The following PALM2AKAP2 variants were observed in gnomAD, a reference collection of about 807,000 sequenced individuals.
PALM2AKAP2 encodes the protein PALM2 and AKAP2 fusion.
Under a neutral mutation model 71.5 loss-of-function variants are expected in PALM2AKAP2, and 37 were observed. The ratio of observed to expected loss-of-function variants is 0.52; its 90% CI spans 0.40 to 0.68. PALM2AKAP2 has a LOEUF of 0.68. Ranked by LOEUF, PALM2AKAP2 falls within the 30% of genes least tolerant of loss-of-function variation. The pLI, the probability that PALM2AKAP2 is intolerant of heterozygous loss-of-function variation, is 0.00. For missense variants in PALM2AKAP2, 1,224 were observed against 1,191.8 expected (o/e 1.03, Z -0.40); for synonymous variants, 468 against 478.8 (o/e 0.98, Z 0.29).
chr9:109,773,954 G>A (rs1829311715), intron 1 of PALM2AKAP2, among the ~76,000 whole-genome samples: 1 of 132,366 alleles, frequency 7.6e-6, no homozygotes, highest in South Asian at 2.5e-4. Context: ...TCCATAGGTG[G>A]TAGGAGCTGA....
At chr9:109,949,377 A>G (rs938422501) in intron 6 of PALM2AKAP2, among the ~76,000 whole-genome samples, 1 of 152,264 alleles carries the variant, frequency 6.6e-6, no homozygotes, top group African/African-American at 2.4e-5. Context: ...TTGAGCCATG[A>G]CTGAGGAATG....
At chr9:109,963,762 G>C (rs1831893800) in intron 6 of PALM2AKAP2, among the ~76,000 whole-genome samples, 2 of 152,212 alleles carry the variant, frequency 1.3e-5, no homozygotes, top group African/African-American at 4.8e-5. Flanking sequence ...CTCACATCCA[G>C]AACTCACATG....
intron 1 of PALM2AKAP2, among the ~76,000 whole-genome samples, chr9:109,689,040 T>G (rs1275710278): frequency 2.6e-5 from 4 of 152,142 alleles, no homozygotes; most frequent in Admixed American, 1.3e-4. Flanking sequence ...TGTTTTTTCT[T>G]CAGGGTGGAG....
At chr9:109,725,759 A>C (rs1339387516) in intron 1 of PALM2AKAP2, among the ~76,000 whole-genome samples, 1 of 152,260 alleles carries the variant, frequency 6.6e-6, no homozygotes. Flanking sequence ...CAATAATTCC[A>C]ATTATGCAAC....
At chr9:110,062,055 A>C (rs1833976979) in intron 1 of PALM2AKAP2, among the ~76,000 whole-genome samples, 1 of 152,136 alleles carries the variant, frequency 6.6e-6, no homozygotes, top group Non-Finnish European at 1.5e-5. Context: ...TATAAATCTC[A>C]GTCCATAAAC....
intron 7 of PALM2AKAP2, among the ~76,000 whole-genome samples, chr9:110,037,929 T>C (rs1382622098): frequency 1.3e-5 from 2 of 152,110 alleles, no homozygotes; most frequent in African/African-American, 2.4e-5. Context: ...ATTGACTGGA[T>C]GAGATCACAG....
At chr9:110,110,265 G>A (rs957932633) in intron 1 of PALM2AKAP2, among the ~76,000 whole-genome samples, 10 of 152,156 alleles carry the variant, frequency 6.6e-5, no homozygotes, top group African/African-American at 2.4e-4. Context: ...TGAGGGCCTA[G>A]TTGTTGGGCA....
chr9:109,661,030 C>T lies in PALM2AKAP2; in HGVS notation c.5+20164C>T, dbSNP rs188895971. ...GATAGGGTTGTTTTTTTCTTGTAAA[C>T]TTGTTTGAGTTCTTTGTAGATTCTG... On this transcript the variant is annotated intron_variant, in intron 1 of 6. Transcript: ENST00000374531. 1.7e-3 allele frequency among the ~76,000 whole-genome samples: 264 copies of T among 151,812 alleles called. 3 individuals carry two copies. In the South Asian group the frequency reaches 0.032, roughly 19 times the overall value.
chr9:110,085,253 T>A (rs1834543748), intron 1 of PALM2AKAP2, among the ~76,000 whole-genome samples: 1 of 152,052 alleles, frequency 6.6e-6, no homozygotes, highest in Admixed American at 6.6e-5. Context: ...AAAATAGTAA[T>A]TAAAGTTAAA....
chr9:109,872,231 A>G (rs996690186), intron 2 of PALM2AKAP2, among the ~76,000 whole-genome samples: 5 of 152,180 alleles, frequency 3.3e-5, no homozygotes, highest in African/African-American at 2.4e-5. Flanking sequence ...TTTCATAGGA[A>G]CAATTATTTA....
chr9:110,011,615 A>G (rs1211777445), intron 6 of PALM2AKAP2, among the ~76,000 whole-genome samples: 1 of 152,226 alleles, frequency 6.6e-6, no homozygotes, highest in Non-Finnish European at 1.5e-5. Context: ...TCAGATGTAT[A>G]AACATCTTCC....
intron 1 of PALM2AKAP2, among the ~76,000 whole-genome samples, chr9:110,119,989 C>T (rs1323681975): frequency 3.3e-5 from 5 of 152,286 alleles, no homozygotes; most frequent in Non-Finnish European, 2.9e-5. Context: ...CCAGGTCTGT[C>T]GGATGCCAAA....
chr9:109,726,811 AT>A (rs760855380), intron 1 of PALM2AKAP2, among the ~76,000 whole-genome samples: 11 of 152,344 alleles, frequency 7.2e-5, no homozygotes, highest in Admixed American at 2.0e-4. Context: ...TCAAATTTAA[AT>A]TAATTAAAAG....
chr9:109,734,615 A>G (rs1219191319), intron 1 of PALM2AKAP2, among the ~76,000 whole-genome samples: 1 of 152,188 alleles, frequency 6.6e-6, no homozygotes, highest in Non-Finnish European at 1.5e-5. Flanking sequence ...AGAGTCCTTT[A>G]GAGTGTATAA....
At chr9:110,124,772 C>T (rs1318793794) in intron 1 of PALM2AKAP2, among the ~76,000 whole-genome samples, 3 of 152,196 alleles carry the variant, frequency 2.0e-5, no homozygotes, top group African/African-American at 4.8e-5. Flanking sequence ...TCATCTCAGA[C>T]TTCAGATGCA....
chr9:110,075,640 C>T (rs1834304267), intron 1 of PALM2AKAP2, among the ~76,000 whole-genome samples: 1 of 151,634 alleles, frequency 6.6e-6, no homozygotes, highest in Non-Finnish European at 1.5e-5. Context: ...AAAAGCTGCC[C>T]CTATGCTTGT....
At chr9:109,956,093 C>T (rs1376811311) in intron 6 of PALM2AKAP2, among the ~76,000 whole-genome samples, 1 of 151,664 alleles carries the variant, frequency 6.6e-6, no homozygotes, top group Non-Finnish European at 1.5e-5. Flanking sequence ...CAACCTCCGC[C>T]TCCCAGGTTC....
chr9:109,793,378 T>C (rs1827168596), intron 1 of PALM2AKAP2, among the ~76,000 whole-genome samples: 1 of 152,174 alleles, frequency 6.6e-6, no homozygotes, highest in Non-Finnish European at 1.5e-5. Flanking sequence ...AAAAATAACA[T>C]TGGAATGCTA....
At chr9:109,815,591 T>C (rs1827832222) in intron 1 of PALM2AKAP2, among the ~76,000 whole-genome samples, 1 of 152,142 alleles carries the variant, frequency 6.6e-6, no homozygotes, top group South Asian at 2.1e-4. Flanking sequence ...GAGTGATGCA[T>C]GGTGCCAAAT....
Sources: gnomAD v4.1 joint callset for allele counts (sites outside exome capture counted in the v4.1 genomes callset) on GRCh38, gnomAD v4.1.1 for gene constraint, MANE v1.5 for transcripts, NCBI Gene and HGNC (gene_info 2026-07-23, HGNC 2026-07-21) for gene names.